Variants in FRMPD2 observed in about 807,000 individuals in gnomAD.
FRMPD2 encodes FERM and PDZ domain-containing protein 2.
In FRMPD2, 96 loss-of-function variants were observed where a neutral mutation model predicts 140.1. The ratio of observed to expected loss-of-function variants is 0.69; its 90% CI spans 0.58 to 0.81. The LOEUF is 0.81. FRMPD2 is among the 40% of genes least tolerant of loss of function. The pLI, the probability that FRMPD2 is intolerant of heterozygous loss-of-function variation, is 0.00. For synonymous variants in FRMPD2, 449 were observed against 547.6 expected, an observed-to-expected ratio of 0.82 and a Z score of 2.52; for missense variants, 1,240 against 1,447.4, an observed-to-expected ratio of 0.86 and a Z score of 2.32.
At chr10:48,195,500 G>A (rs940406583) in intron 15 of FRMPD2, among the ~76,000 whole-genome samples, 1 of 152,116 alleles carries the variant, frequency 6.6e-6, no homozygotes, top group African/African-American at 2.4e-5. Flanking sequence ...AGATAAACAC[G>A]ATGATATTTA....
chr10:48,193,806 C>A (rs1177862103), intron 15 of FRMPD2, among the ~76,000 whole-genome samples: 1 of 152,074 alleles, frequency 6.6e-6, no homozygotes, highest in Non-Finnish European at 1.5e-5. Context: ...GCCTCCATTT[C>A]AAGGATATCC....
chr10:48,256,594 T>C (rs1299558888), intron 1 of FRMPD2, among the ~76,000 whole-genome samples: 1 of 152,166 alleles, frequency 6.6e-6, no homozygotes, highest in Non-Finnish European at 1.5e-5. Flanking sequence ...CACTCCTGCA[T>C]TGGGACAGAG....
intron 10 of FRMPD2, among the ~76,000 whole-genome samples, chr10:48,225,865 T>C (rs1839710083): frequency 6.6e-6 from 1 of 152,216 alleles, no homozygotes; most frequent in African/African-American, 2.4e-5. Context: ...CACCCTCATT[T>C]TGGCTTGCTT....
In FRMPD2 at chr10:48,192,906, G is replaced by A; in HGVS notation, c.1955-12C>T. 1 of 1,602,312 alleles carries A rather than the reference G, an allele frequency of 6.2e-7. No homozygotes were observed. The highest frequency in any genetic ancestry group is 8.5e-7 in the Non-Finnish European group (1 of 1,171,382). The stretch of plus-strand genomic sequence containing the variant: ...AAACTTATCATGGTCTGAATTTGGG[G>A]AGAAAAACATAGACATACACACACA... On this transcript the variant is annotated splice_polypyrimidine_tract_variant and intron_variant, in intron 15 of 28. Coordinates refer to ENST00000374201, the MANE Select transcript of FRMPD2 (RefSeq NM_001018071.4).
chr10:48,211,862 C>G, intron 13 of FRMPD2, 92 bp downstream of exon 13: 1 of 1,298,942 alleles, frequency 7.7e-7, no homozygotes, highest in African/African-American at 1.5e-5. Flanking sequence ...TGGGTCTGCA[C>G]ACACCTGGGC....
At chr10:48,246,186 C>A (rs765000322) in intron 3 of FRMPD2, among the ~76,000 whole-genome samples, 32 of 152,192 alleles carry the variant, frequency 2.1e-4, no homozygotes, top group Admixed American at 1.6e-3. Flanking sequence ...GAACCAATTG[C>A]AGTGACTGCC....
chr10:48,274,745 T>C, upstream of FRMPD2: 1 of 617,686 alleles, frequency 1.6e-6, no homozygotes, highest in South Asian at 1.9e-5. Flanking sequence ...ACAAGGCCCC[T>C]TCCCTTTCCT....
intron 9 of FRMPD2, among the ~76,000 whole-genome samples, chr10:48,234,032 C>T (rs1839911135): frequency 6.6e-6 from 1 of 152,244 alleles, no homozygotes; most frequent in South Asian, 2.1e-4. Context: ...AAGCCAGGTA[C>T]CAAACGCATC....
chr10:48,225,480 C>T (rs989324685), intron 10 of FRMPD2, among the ~76,000 whole-genome samples: 2 of 152,208 alleles, frequency 1.3e-5, no homozygotes, highest in African/African-American at 4.8e-5. Context: ...CTGATGTCAA[C>T]TCCTGCAATA....
At chr10:48,159,178 G>T (rs1394217655) in intron 28 of FRMPD2, 1 of 456,266 alleles carries the variant, frequency 2.2e-6, no homozygotes, top group Admixed American at 2.3e-5. Context: ...ACAGCTGGGA[G>T]CCCCAGGTCT....
In FRMPD2 at chr10:48,184,761, T is replaced by C; in HGVS notation, c.2467+13A>G. ...TCTTAAAACAGCATCTCTAGTAATT[T>C]AAAAAGATGTACCTGGTTTGATCGT... On this transcript the variant is annotated intron_variant, in intron 19 of 28. Coordinates refer to ENST00000374201, the MANE Select transcript of FRMPD2 (RefSeq NM_001018071.4). The C allele has an allele frequency of 6.2e-7, 1 of 1,604,366 alleles. No individual in the cohort carries two copies. Among genetic ancestry groups the C allele is most frequent in the Non-Finnish European group, 8.5e-7 (1 of 1,172,950 alleles).
chr10:48,224,769 G>T (rs1839685736), intron 10 of FRMPD2, among the ~76,000 whole-genome samples: 1 of 152,146 alleles, frequency 6.6e-6, no homozygotes, highest in African/African-American at 2.4e-5. Flanking sequence ...ATTGGGAGAA[G>T]GCAGGTAGGA....
rs984077462 is a variant in FRMPD2 at position 48,223,338 on chromosome 10, G to T, written c.1169-68C>A. The T allele has an allele frequency of 1.4e-5, 20 of 1,479,098 alleles. No homozygotes were observed. In the African/African-American group the frequency reaches 2.3e-4, roughly 17 times the overall value. 91.6% of individuals were successfully genotyped at this position (1,479,098 alleles called of 1,614,324 possible). A position where few individuals can be genotyped will look rare whatever the true frequency, so the allele number is the denominator to read the frequency against. On this transcript the variant is annotated intron_variant, in intron 10 of 28. Transcript: ENST00000374201. ...GATTGCACCATCTCTCAGACTCATA[G>T]CCCTAAGCCCTACCCAGAGTGTCAC...
chr10:48,185,112 C>T (rs1368571670), intron 18 of FRMPD2, among the ~76,000 whole-genome samples: 1 of 152,126 alleles, frequency 6.6e-6, no homozygotes, highest in Non-Finnish European at 1.5e-5. Context: ...ATACAAACCA[C>T]CAATATGCAC....
intron 14 of FRMPD2, among the ~76,000 whole-genome samples, chr10:48,203,031 G>A (rs1363263342): frequency 6.6e-6 from 1 of 152,118 alleles, no homozygotes; most frequent in African/African-American, 2.4e-5. Flanking sequence ...AACTCCTGGA[G>A]TTAAGTGATC....
At chr10:48,230,640 G>C (rs1269612774) in intron 10 of FRMPD2, among the ~76,000 whole-genome samples, 1 of 152,198 alleles carries the variant, frequency 6.6e-6, no homozygotes, top group African/African-American at 2.4e-5. Flanking sequence ...CTGTAGAAAA[G>C]AAATTATGCT....
At chr10:48,251,196 G>T (rs915543741) in intron 2 of FRMPD2, among the ~76,000 whole-genome samples, 1 of 152,164 alleles carries the variant, frequency 6.6e-6, no homozygotes, top group African/African-American at 2.4e-5. Context: ...TCTCATCTCT[G>T]GTTATGCCCA....
Position 48,242,279 on chromosome 10 carries a change from G to A in FRMPD2, c.449C>T (p.Thr150Met), listed in dbSNP as rs147301625. Reference sequence around the variant, plus strand: ...ACAAGCTTCCAGAACCGACTGCAACGTGCACCGCCTGTGAGGCTGGTCTTC... The same window carrying A: ...ACAAGCTTCCAGAACCGACTGCAACATGCACCGCCTGTGAGGCTGGTCTTC... ...MCEDQPHRRC[T>M]LQSVLEACRV... Residue 150 changes from threonine to methionine, a missense_variant, in exon 5 of 29, where the codon ACG (threonine) becomes ATG (methionine). Around this residue, in one of 6 missense-constraint regions of FRMPD2, gnomAD observed 1,161 missense variants for 1,055.9 expected, o/e 1.10. Coordinates refer to ENST00000374201, the MANE Select transcript of FRMPD2 (RefSeq NM_001018071.4). The A allele has an allele frequency of 4.2e-5, 67 of 1,614,130 alleles. No homozygotes were observed. The East Asian group carries it at 1.2e-3, about 30-fold the overall frequency.
chr10:48,247,836 C>T (rs2698763), intron 3 of FRMPD2, among the ~76,000 whole-genome samples: 6,623 of 152,190 alleles, frequency 0.044, 492 homozygotes, highest in African/African-American at 0.15. Context: ...CTGAGAGGCA[C>T]GCAAGTCTGT....
Sources: allele counts gnomAD v4.1 joint callset (sites outside exome capture counted in the v4.1 genomes callset), GRCh38; gene constraint gnomAD v4.1.1; regional missense constraint gnomAD v4.1.1; transcripts MANE v1.5; gene names NCBI Gene and HGNC (gene_info 2026-07-23, HGNC 2026-07-21).